Variants in DLG3 observed in about 807,000 individuals in gnomAD.
DLG3 encodes the protein discs large MAGUK scaffold protein 3, also known as disks large homolog 3.
Under a neutral mutation model 64.1 loss-of-function variants are expected in DLG3, and 1 was observed. The observed-to-expected ratio is 0.02, with a 90% confidence interval of 0.01 to 0.07. DLG3 has a LOEUF of 0.07. Among genes scored for constraint, DLG3 ranks in the 10% least tolerant of loss-of-function variants. The pLI, the probability that DLG3 is intolerant of heterozygous loss-of-function variation, is 1.00. For missense variants in DLG3, 429 were observed against 669.5 expected, an observed-to-expected ratio of 0.64 and a Z score of 3.96; for synonymous variants, 245 against 259.8, an observed-to-expected ratio of 0.94 and a Z score of 0.55.
intron 15 of DLG3, among the ~76,000 whole-genome samples, 178 bp from the exon 16 acceptor site, chrX:70,499,699 T>G (rs764924080): frequency 9.0e-6 from 1 of 110,803 alleles, no homozygotes; most frequent in Non-Finnish European, 1.9e-5. Flanking sequence ...GACCTGGAGA[T>G]TGGAAGAGAA....
At chrX:70,449,969 T>C in intron 4 of DLG3, 110 bp downstream of exon 4, 3 of 1,026,404 alleles carry the variant, frequency 2.9e-6, no homozygotes, top group Non-Finnish European at 4.0e-6. Flanking sequence ...TGACTCCCCC[T>C]GTTCCAACTC....
intron 1 of DLG3, among the ~76,000 whole-genome samples, chrX:70,446,101 T>G (rs2086565278): frequency 9.0e-6 from 1 of 111,234 alleles, no homozygotes; most frequent in Admixed American, 9.5e-5. Flanking sequence ...AGTCCCTTTG[T>G]GTGTGAATGT....
chrX:70,452,808 C>T (rs2086639113), intron 7 of DLG3: 1 of 1,054,004 alleles, frequency 9.5e-7, no homozygotes, highest in Non-Finnish European at 1.3e-6. Context: ...GAGGGAGTCT[C>T]GCCCCTGAGA....
intron 12 of DLG3, among the ~76,000 whole-genome samples, chrX:70,493,809 A>T (rs112028023): frequency 1.6e-4 from 18 of 112,661 alleles, no homozygotes; most frequent in Non-Finnish European, 3.4e-4. Flanking sequence ...TTTTAGCTAG[A>T]CTGTCAGGGT....
At chrX:70,465,340 AAT>A (rs1488412487) in intron 9 of DLG3, among the ~76,000 whole-genome samples, 4 of 111,894 alleles carry the variant, frequency 3.6e-5, no homozygotes, top group African/African-American at 1.3e-4. Context: ...TAATGGTGAT[AAT>A]ATGTTTAACT....
chrX:70,473,697 G>A (rs2147828432), intron 9 of DLG3, among the ~76,000 whole-genome samples: 1 of 110,566 alleles, frequency 9.0e-6, no homozygotes, highest in African/African-American at 3.3e-5. Context: ...GACCTCAAGT[G>A]ATCCTTCTAC....
Position 70,453,670 on chromosome X carries a change from C to T in DLG3, c.1179C>T (p.Ser393=), listed in dbSNP as rs746511025. Residue 393 remains serine, a synonymous_variant, in exon 8 of 19, where the codon TCC becomes TCT. Transcript: ENST00000374360. ...EPRKIILHKG[S]TGLGFNIVGG... ...GCAAGATCATCCTGCACAAAGGCTC[C>T]ACAGGCCTGGGCTTCAACATCGTAG... The T allele has an allele frequency of 5.8e-6, 7 of 1,207,674 alleles. No homozygotes were observed. In the South Asian group the frequency reaches 1.2e-4, roughly 21 times the overall value.
intron 7 of DLG3, chrX:70,453,364 A>C: frequency 3.2e-6 from 1 of 313,536 alleles, no homozygotes; most frequent in Non-Finnish European, 5.6e-6. Flanking sequence ...AGTTCAGGGT[A>C]GGGATTTGTT....
intron 10 of DLG3, among the ~76,000 whole-genome samples, chrX:70,481,068 A>T (rs2087146121): frequency 8.9e-6 from 1 of 112,134 alleles, no homozygotes; most frequent in Non-Finnish European, 1.9e-5. Context: ...GGAAAATAGT[A>T]ACCATTTGTG....
chrX:70,498,456 G>A (rs935879131), intron 13 of DLG3, 64 bp from the exon 14 acceptor site: 12 of 1,103,647 alleles, frequency 1.1e-5, no homozygotes, highest in African/African-American at 5.4e-5. Context: ...GGAGGGGTAC[G>A]GGGAGTACTG....
In DLG3 at chrX:70,445,336, C is replaced by T. The variant is rs1475851938; in HGVS notation, c.135C>T (p.Asn45=). 2.6e-6 allele frequency: 3 copies of T among 1,169,002 alleles called. No individual in the cohort carries two copies. The Admixed American group carries it at 7.5e-5, about 29-fold the overall frequency. ...VPDPYGPGGG[N]GASAGYGGYS... ...ACCCTTACGGGCCAGGTGGGGGCAA[C>T]GGCGCCAGCGCGGGTTATGGGGGCT... is the stretch of plus-strand genomic sequence containing the variant. Residue 45 remains asparagine, a synonymous_variant, in exon 1 of 19, where the codon AAC becomes AAT. Transcript: ENST00000374360.
chrX:70,493,443 A>G (rs1489645015), intron 12 of DLG3: 2 of 1,209,276 alleles, frequency 1.7e-6, no homozygotes, highest in Middle Eastern at 2.3e-4. Flanking sequence ...AAGAGCAAAG[A>G]AAACATGGCC....
chrX:70,465,250 G>A (rs1011896770), intron 9 of DLG3, among the ~76,000 whole-genome samples: 1 of 111,906 alleles, frequency 8.9e-6, no homozygotes, highest in Non-Finnish European at 1.9e-5. Flanking sequence ...AGGGAAATAC[G>A]GTAGATGCAC....
chrX:70,498,660 C>T lies in DLG3; in HGVS notation c.1870+90C>T, dbSNP rs1480946499. The T allele has an allele frequency of 5.8e-6, 5 of 858,606 alleles. No individual in the cohort carries two copies. In the African/African-American group the frequency reaches 1.3e-4, roughly 22 times the overall value. 70.8% of individuals were successfully genotyped at this position (858,606 alleles called of 1,213,427 possible). On this transcript the variant is annotated intron_variant, in intron 14 of 18. Coordinates refer to ENST00000374360, the MANE Select transcript of DLG3 (RefSeq NM_021120.4). ...GTGGCTGTGGCAGCAGAGGGAGGGA[C>T]CTGGAGGAGGAGGAAGGCTTGACTC...
intron 18 of DLG3, 95 bp downstream of exon 18, chrX:70,501,084 C>A: frequency 1.4e-6 from 1 of 700,321 alleles, no homozygotes; most frequent in Non-Finnish European, 2.2e-6. Context: ...AATGTAGAAA[C>A]CTTGCACGGA....
chrX:70,470,628 T>G, intron 9 of DLG3, among the ~76,000 whole-genome samples: 1 of 112,308 alleles, frequency 8.9e-6, no homozygotes, highest in Non-Finnish European at 1.9e-5. Flanking sequence ...GCAGAATAAA[T>G]ATCGTCTGTT....
At position 70,500,988 on chromosome X, in the gene DLG3, A is replaced by T; in HGVS notation, c.2346A>T (p.Thr782=). 8.5e-7 allele frequency: 1 copy of T among 1,179,329 alleles called. No homozygotes were observed. The highest frequency in any genetic ancestry group is 1.1e-6 in the Non-Finnish European group (1 of 873,195). ...AGCAGGAATTTGGAGAGTACTTTACAGGTAAGACTCCTGCTGCCCTGCGGG... is the reference window on the plus strand; with the variant it reads ...AGCAGGAATTTGGAGAGTACTTTACTGGTAAGACTCCTGCTGCCCTGCGGG... ...KLEQEFGEYF[T]AIVQGDSLEE... The change falls in exon 18 of 19, where the codon ACA becomes ACT. Residue 782 remains threonine (T), a splice_region_variant and synonymous_variant. Coordinates refer to ENST00000374360, the MANE Select transcript of DLG3 (RefSeq NM_021120.4).
chrX:70,452,624 G>T, intron 7 of DLG3: 1 of 1,186,584 alleles, frequency 8.4e-7, no homozygotes, highest in East Asian at 3.1e-5. Context: ...GAGGAGCTAT[G>T]GAGAGGGCCC....
chrX:70,448,913 G>A lies in DLG3; in HGVS notation c.358G>A (p.Val120Met). Residue 120 changes from valine to methionine, a missense_variant and splice_region_variant, in exon 2 of 19, where the codon GTG becomes ATG. Val to Met is a conservative substitution (Grantham distance 21). Around this residue, in one of 9 missense-constraint regions of DLG3, gnomAD observed 123 missense variants for 113.3 expected, o/e 1.09. Transcript: ENST00000374360. ...GGGAACTGCCTGTGTCTCCCCCTAG[G>A]TGAATGGCAGTGATGGCATGTTCAA... ...TCTNRDWYEQ[V>M]NGSDGMFKYE... The A allele has an allele frequency of 8.3e-7, 1 of 1,208,962 alleles. No individual in the cohort carries two copies. Among genetic ancestry groups the A allele is most frequent in the Non-Finnish European group, 1.1e-6 (1 of 894,635 alleles).
Sources: allele counts gnomAD v4.1 joint callset (sites outside exome capture counted in the v4.1 genomes callset), GRCh38; gene constraint gnomAD v4.1.1; regional missense constraint gnomAD v4.1.1; transcripts MANE v1.5; gene names NCBI Gene and HGNC (gene_info 2026-07-23, HGNC 2026-07-21).